ZNF385D: variants seen among roughly 807,000 people sequenced by gnomAD.
ZNF385D encodes zinc finger protein 659.
ZNF385D carries 15 observed loss-of-function variants against 35.8 expected under a neutral mutation model. The observed-to-expected ratio is 0.42, with a 90% confidence interval of 0.28 to 0.64. The LOEUF is 0.64. Among genes scored for constraint, ZNF385D ranks in the 30% least tolerant of loss-of-function variants. The pLI is 0.23. For missense variants in ZNF385D, 474 were observed against 494.6 expected, an observed-to-expected ratio of 0.96 and a Z score of 0.39; for synonymous variants, 212 against 186.8, an observed-to-expected ratio of 1.13 and a Z score of -1.10.
intron 3 of ZNF385D, among the ~76,000 whole-genome samples, chr3:21,770,299 G>A (rs1049963871): frequency 2.6e-5 from 4 of 152,026 alleles, no homozygotes; most frequent in African/African-American, 4.8e-5. Flanking sequence ...GAGTGAACAG[G>A]CAACCTACAG....
chr3:21,783,900 C>A (rs1202385273), intron 3 of ZNF385D, among the ~76,000 whole-genome samples: 1 of 152,114 alleles, frequency 6.6e-6, no homozygotes, highest in East Asian at 1.9e-4. Flanking sequence ...TGATCGACAC[C>A]CACTTCCTAT....
At chr3:21,489,919 C>A (rs1481101144) in intron 4 of ZNF385D, among the ~76,000 whole-genome samples, 1 of 152,128 alleles carries the variant, frequency 6.6e-6, no homozygotes, top group Admixed American at 6.6e-5. Context: ...GACCTGAACA[C>A]AACCTTCTTC....
At position 22,367,594 on chromosome 3, in the gene ZNF385D, T is replaced by C. The variant is rs1460546462; in HGVS notation, c.106+4856A>G. 1.4e-4 allele frequency among the ~76,000 whole-genome samples: 12 copies of C among 84,096 alleles called. No homozygotes were observed. In the Admixed American group the frequency reaches 1.6e-3, roughly 11 times the overall value. 55.2% of individuals were successfully genotyped at this position (84,096 alleles called of 152,430 possible). A position where few individuals can be genotyped will look rare whatever the true frequency, so the allele number is the denominator to read the frequency against. On this transcript the variant is annotated intron_variant, in intron 2 of 5. Transcript: ENST00000494108. ...CTTAACTAAATACAATTTTAAAATC[T>C]AGATTTTTTTTTTCAGAATGCCTTC... is the stretch of plus-strand genomic sequence containing the variant.
chr3:22,051,124 TG>T lies in ZNF385D; in HGVS notation c.325+117692del, dbSNP rs1423617906. Among the ~76,000 whole-genome samples the T allele has an allele frequency of 2.1e-3, 46 of 21,948 alleles. 1 individual carries two copies. Among genetic ancestry groups the T allele is most frequent in the Admixed American group, 6.4e-3 (10 of 1,574 alleles). 14.4% of individuals were successfully genotyped at this position (21,948 alleles called of 152,430 possible). ...GTTAAAGTCTCCCATTATTAATGTG[TG>T]GGAGTCTAAGTCTCTTTGTAGGTCA... is the stretch of plus-strand genomic sequence containing the variant. On this transcript the variant is annotated intron_variant, in intron 3 of 5. Transcript: ENST00000494108.
chr3:22,014,203 C>T (rs1393874671), intron 3 of ZNF385D, among the ~76,000 whole-genome samples: 1 of 151,174 alleles, frequency 6.6e-6, no homozygotes. Context: ...AGCATGGCTG[C>T]TACCTTTTTT....
chr3:21,625,345 TGA>T (rs2125823045), intron 2 of ZNF385D, among the ~76,000 whole-genome samples: 1 of 152,182 alleles, frequency 6.6e-6, no homozygotes, highest in South Asian at 2.1e-4. Context: ...AAGGATGACA[TGA>T]GACTTTTACA....
At chr3:21,574,133 A>C (rs1272022074) in intron 2 of ZNF385D, among the ~76,000 whole-genome samples, 2 of 151,972 alleles carry the variant, frequency 1.3e-5, no homozygotes, top group African/African-American at 2.4e-5. Context: ...AACAATTACT[A>C]CTAATCAACA....
At position 22,123,948 on chromosome 3, in the gene ZNF385D, CTCTCTCTCTCTCTCTATATA is replaced by C. The variant is rs1260914538; in HGVS notation, c.325+44849_325+44868del. On this transcript the variant is annotated intron_variant, in intron 3 of 5. Coordinates refer to the ZNF385D transcript ENST00000494108. The stretch of plus-strand genomic sequence containing the variant: ...TCTCTCTCTCTCTCTCTCTCTCTCT[CTCTCTCTCTCTCTCTATATA>C]TATATATATATATATATATATTGCT... 1.2e-3 allele frequency among the ~76,000 whole-genome samples: 120 copies of C among 102,104 alleles called. 1 individual carries two copies. Among genetic ancestry groups the C allele is most frequent in the Non-Finnish European group, 1.9e-3 (92 of 49,128 alleles). The allele number at this position is 102,104 out of a possible 152,430, so 67.0% of individuals were successfully genotyped here.
At chr3:22,368,580 C>G (rs1474307694) in intron 2 of ZNF385D, among the ~76,000 whole-genome samples, 2 of 152,126 alleles carry the variant, frequency 1.3e-5, no homozygotes, top group African/African-American at 4.8e-5. Flanking sequence ...GATCTTGGTG[C>G]CAGCAGATTC....
intron 2 of ZNF385D, among the ~76,000 whole-genome samples, chr3:22,252,910 A>G (rs979294505): frequency 6.6e-6 from 1 of 152,092 alleles, no homozygotes; most frequent in Non-Finnish European, 1.5e-5. Flanking sequence ...CAGGCTGAAG[A>G]GTTGATTCTT....
intron 3 of ZNF385D, among the ~76,000 whole-genome samples, chr3:21,886,169 C>T (rs57860437): frequency 0.014 from 2,109 of 152,118 alleles, 38 homozygotes; most frequent in African/African-American, 0.042. Flanking sequence ...CTGATCCTGG[C>T]CTTATCTCAA....
chr3:22,245,296 C>T (rs1164835344), intron 2 of ZNF385D, among the ~76,000 whole-genome samples: 1 of 151,954 alleles, frequency 6.6e-6, no homozygotes, highest in Non-Finnish European at 1.5e-5. Context: ...CCATTCTGAC[C>T]TCAGCATTCC....
At chr3:21,970,924 C>G (rs1206738518) in intron 3 of ZNF385D, among the ~76,000 whole-genome samples, 1 of 149,702 alleles carries the variant, frequency 6.7e-6, no homozygotes, top group Non-Finnish European at 1.5e-5. Flanking sequence ...ATTTAAAGTG[C>G]AAAAGAAAAA....
intron 4 of ZNF385D, among the ~76,000 whole-genome samples, chr3:21,491,404 C>A (rs1705414310): frequency 6.6e-6 from 1 of 151,920 alleles, no homozygotes; most frequent in African/African-American, 2.4e-5. Context: ...TGCCATTTAA[C>A]TATAACATAA....
intron 3 of ZNF385D, among the ~76,000 whole-genome samples, chr3:22,034,724 T>A (rs1399693567): frequency 6.6e-6 from 1 of 152,170 alleles, no homozygotes; most frequent in South Asian, 2.1e-4. Context: ...ATTTCACAAA[T>A]GTTTTAATTC....
At chr3:21,607,180 TACAC>T (rs968951766) in intron 2 of ZNF385D, among the ~76,000 whole-genome samples, 2 of 152,120 alleles carry the variant, frequency 1.3e-5, no homozygotes, top group African/African-American at 4.8e-5. Flanking sequence ...TATATATAGA[TACAC>T]ATACAAATAT....
At chr3:22,047,389 C>A (rs1699067679) in intron 3 of ZNF385D, among the ~76,000 whole-genome samples, 3 of 152,016 alleles carry the variant, frequency 2.0e-5, no homozygotes, top group Admixed American at 1.3e-4. Context: ...CATTCTTTCA[C>A]CAATATCCTT....
At chr3:21,607,272 G>A (rs1229821115) in intron 2 of ZNF385D, among the ~76,000 whole-genome samples, 1 of 152,076 alleles carries the variant, frequency 6.6e-6, no homozygotes, top group Non-Finnish European at 1.5e-5. Flanking sequence ...GTTGGGGAAA[G>A]TTTGCATTAA....
intron 3 of ZNF385D, among the ~76,000 whole-genome samples, chr3:21,810,846 T>C (rs867399831): frequency 2.6e-5 from 4 of 151,932 alleles, no homozygotes; most frequent in Non-Finnish European, 4.4e-5. Flanking sequence ...TCCTGGTAGA[T>C]ATTCTTAGGA....
Sources: gnomAD v4.1 joint callset for allele counts (sites outside exome capture counted in the v4.1 genomes callset) on GRCh38, gnomAD v4.1.1 for gene constraint, MANE v1.5 for transcripts, NCBI Gene and HGNC (gene_info 2026-07-23, HGNC 2026-07-21) for gene names.